Variants in ACOT12 observed in about 807,000 individuals in gnomAD.
ACOT12 encodes the protein acyl-CoA thioesterase 12.
Under a neutral mutation model 67.7 loss-of-function variants are expected in ACOT12, and 51 were observed. The ratio of observed to expected loss-of-function variants is 0.75; its 90% CI spans 0.60 to 0.95. The LOEUF (loss-of-function observed/expected upper bound fraction) is 0.95, where lower values mean the gene tolerates loss of function less well. Among genes scored for constraint, ACOT12 ranks in the 40% least tolerant of loss-of-function variants. The probability of loss-of-function intolerance (pLI) is 0.00; values close to 1 mark genes in which losing one functional copy is unlikely to be tolerated. For synonymous variants in ACOT12, 251 were observed against 244.6 expected (o/e 1.03, Z -0.24); for missense variants, 734 against 708.1 (o/e 1.04, Z -0.41).
chr5:81,324,746 A>T, the ACOT12 span, among the ~76,000 whole-genome samples: 1 of 152,212 alleles, frequency 6.6e-6, no homozygotes, highest in Non-Finnish European at 1.5e-5. Context: ...AGAAGAGAAA[A>T]TGTTGCAAAA....
chr5:81,308,663 A>G, the ACOT12 span: 1 of 1,613,786 alleles, frequency 6.2e-7, no homozygotes, highest in Non-Finnish European at 8.5e-7. Flanking sequence ...GTGTGGGTCC[A>G]CAGAGCACGA....
intron 1 of ACOT12, among the ~76,000 whole-genome samples, chr5:81,392,124 T>G (rs1016600677): frequency 2.0e-5 from 3 of 152,184 alleles, no homozygotes; most frequent in Non-Finnish European, 4.4e-5. Flanking sequence ...CTTTAAATAT[T>G]GAGAAGACAT....
chr5:81,344,074 G>T, intron 9 of ACOT12, 86 bp downstream of exon 9: 2 of 1,421,450 alleles, frequency 1.4e-6, no homozygotes, highest in South Asian at 1.2e-5. Context: ...TCCGTTACGT[G>T]GGAATAGAGA....
chr5:81,351,996 T>A (rs572970093), intron 5 of ACOT12, among the ~76,000 whole-genome samples: 1 of 152,244 alleles, frequency 6.6e-6, no homozygotes, highest in East Asian at 1.9e-4. Flanking sequence ...CAAACAGGCA[T>A]ATAAAAAGGT....
At chr5:81,320,328 T>C in the ACOT12 span, among the ~76,000 whole-genome samples, 2 of 152,172 alleles carry the variant, frequency 1.3e-5, no homozygotes, top group Non-Finnish European at 2.9e-5. Flanking sequence ...GGCAGTATGG[T>C]TGAAGAACTT....
At chr5:81,310,508 A>G in the ACOT12 span, among the ~76,000 whole-genome samples, 5 of 152,308 alleles carry the variant, frequency 3.3e-5, no homozygotes, top group South Asian at 1.0e-3. Context: ...CCAGATTTGT[A>G]TCTGATTAGG....
At chr5:81,341,552 T>C (rs1161938037) in intron 11 of ACOT12, among the ~76,000 whole-genome samples, 3 of 152,230 alleles carry the variant, frequency 2.0e-5, no homozygotes, top group Admixed American at 2.0e-4. Context: ...GGCTGCTGCT[T>C]CACTGATGAT....
At chr5:81,373,487 C>G (rs1760316807) in intron 2 of ACOT12, among the ~76,000 whole-genome samples, 1 of 152,112 alleles carries the variant, frequency 6.6e-6, no homozygotes, top group African/African-American at 2.4e-5. Context: ...TTTTTCATAC[C>G]CCAGTGGTAC....
At chr5:81,348,197 C>T (rs1366983672) in intron 5 of ACOT12, among the ~76,000 whole-genome samples, 1 of 151,918 alleles carries the variant, frequency 6.6e-6, no homozygotes, top group Non-Finnish European at 1.5e-5. Flanking sequence ...GGAATTTTGA[C>T]TAAAAGAATG....
intron 5 of ACOT12, among the ~76,000 whole-genome samples, chr5:81,359,443 T>C (rs190642769): frequency 2.3e-4 from 35 of 152,298 alleles, no homozygotes; most frequent in African/African-American, 8.4e-4. Flanking sequence ...AGCAGGATCT[T>C]AAGTCTCTGC....
At position 81,336,665 on chromosome 5, in the gene ACOT12, C is replaced by A. The variant is rs185778215; in HGVS notation, c.1129-764G>T. Among the ~76,000 whole-genome samples the A allele has an allele frequency of 1.2e-4, 18 of 152,250 alleles. No individual in the cohort carries two copies. The East Asian group carries it at 3.5e-3, about 29-fold the overall frequency. On this transcript the variant is annotated intron_variant, in intron 11 of 14. Coordinates refer to ENST00000307624, the MANE Select transcript of ACOT12 (RefSeq NM_130767.3). ...TGTGTGTTCAGCTAAGAACACATTT[C>A]TATCCTTCCCGTTTTCTTTATCTCT...
In ACOT12 at chr5:81,330,953, A is replaced by C. The variant is rs1230542397; in HGVS notation, c.1392-13T>G. 6.3e-7 allele frequency: 1 copy of C among 1,581,538 alleles called. No individual in the cohort carries two copies. Among genetic ancestry groups the C allele is most frequent in the Non-Finnish European group, 8.6e-7 (1 of 1,165,948 alleles). ...TGTGTAAGTGTTACTGAAAGAAAAC[A>C]CTTTCTAAGCTCTTGTGAGAAATAA... is the stretch of plus-strand genomic sequence containing the variant. On this transcript the variant is annotated splice_polypyrimidine_tract_variant and intron_variant, in intron 13 of 14. Coordinates refer to ENST00000307624, the MANE Select transcript of ACOT12 (RefSeq NM_130767.3).
the ACOT12 span, chr5:81,309,021 A>G: frequency 1.2e-6 from 2 of 1,612,144 alleles, no homozygotes; most frequent in South Asian, 1.1e-5. Flanking sequence ...GATAATCCCA[A>G]AGGACTCTAT....
intron 1 of ACOT12, among the ~76,000 whole-genome samples, chr5:81,391,084 A>T (rs567314414): frequency 6.6e-6 from 1 of 152,326 alleles, no homozygotes; most frequent in South Asian, 2.1e-4. Context: ...CTGTCTACCT[A>T]GAGATGGGCA....
rs1758870160 is a variant in ACOT12, at chr5:81,332,754, C to G, written c.1263-149G>C. ...CTCCCTAAAAGCCAGCATTATTGCTCAAGTCTGCCTTTAGAAGAGCTCTTT... is the reference window on the plus strand; with the variant it reads ...CTCCCTAAAAGCCAGCATTATTGCTGAAGTCTGCCTTTAGAAGAGCTCTTT... On this transcript the variant is annotated intron_variant, in intron 12 of 14. Coordinates refer to ENST00000307624, the MANE Select transcript of ACOT12 (RefSeq NM_130767.3). The G allele has an allele frequency of 2.2e-5, 21 of 933,506 alleles. No individual in the cohort carries two copies. The South Asian group carries it at 3.0e-4, about 13-fold the overall frequency. The allele number at this position is 933,506 out of a possible 1,614,324, so 57.8% of individuals were successfully genotyped here.
intron 3 of ACOT12, among the ~76,000 whole-genome samples, chr5:81,368,269 G>A (rs1760142963): frequency 6.6e-6 from 1 of 152,054 alleles, no homozygotes; most frequent in Non-Finnish European, 1.5e-5. Context: ...TACAGCCTGG[G>A]AGACAGTTCA....
At chr5:81,324,531 T>C in the ACOT12 span, among the ~76,000 whole-genome samples, 1 of 152,270 alleles carries the variant, frequency 6.6e-6, no homozygotes, top group Non-Finnish European at 1.5e-5. Flanking sequence ...GATGTGGGAA[T>C]TTCTGGTAAA....
intron 5 of ACOT12, among the ~76,000 whole-genome samples, chr5:81,355,359 C>T (rs1580556619): frequency 6.6e-6 from 1 of 152,266 alleles, no homozygotes; most frequent in East Asian, 1.9e-4. Context: ...TGGTTATAGA[C>T]CTGTTACAGT....
intron 13 of ACOT12, among the ~76,000 whole-genome samples, chr5:81,332,235 T>C (rs1163609038): frequency 6.6e-6 from 1 of 152,232 alleles, no homozygotes; most frequent in African/African-American, 2.4e-5. Flanking sequence ...ATACCAGTTT[T>C]ACATTTACGT....
Sources: allele counts gnomAD v4.1 joint callset (sites outside exome capture counted in the v4.1 genomes callset), GRCh38; gene constraint gnomAD v4.1.1; transcripts MANE v1.5; gene names NCBI Gene and HGNC (gene_info 2026-07-23, HGNC 2026-07-21).